Variants in RPS20 observed in about 807,000 individuals in gnomAD.
The protein encoded by RPS20 is small ribosomal subunit protein uS10.
A neutral mutation model predicts 15.3 loss-of-function variants in RPS20; 3 were observed. The ratio of observed to expected loss-of-function variants is 0.20; its 90% CI spans 0.09 to 0.51. The LOEUF is 0.51. Among genes scored for constraint, RPS20 ranks in the 20% least tolerant of loss-of-function variants. The pLI, the probability that RPS20 is intolerant of heterozygous loss-of-function variation, is 0.96. For synonymous variants in RPS20, 62 were observed against 47.8 expected (o/e 1.30, Z -1.23); for missense variants, 67 against 145.9 (o/e 0.46, Z 2.79).
downstream of RPS20, among the ~76,000 whole-genome samples, chr8:56,070,688 G>A (rs978115075): frequency 7.4e-5 from 11 of 149,392 alleles, no homozygotes; most frequent in East Asian, 1.2e-3. Context: ...ATGTTCGCAC[G>A]ACTGCACTCC....
Position 56,074,089 on chromosome 8 carries a change from G to C in RPS20, c.74C>G (p.Thr25Arg). The change falls in exon 2 of 4, where the codon ACA (threonine) becomes AGA (arginine). Residue 25 changes from threonine (T) to arginine (R), a missense_variant. Thr to Arg is a moderately conservative substitution (Grantham distance 71, BLOSUM62 -1). Transcript: ENST00000009589. ...VAIHRIRITLTSRNVKSLEKV... is the reference protein window; with the variant it reads ...VAIHRIRITLRSRNVKSLEKV... ...TTCCAAGGATTTTACGTTGCGGCTT[G>C]TTAGGGTGATTCGAATTCGGTGAAT... 6.3e-7 allele frequency: 1 copy of C among 1,582,312 alleles called. No homozygotes were observed. The highest frequency in any genetic ancestry group is 8.6e-7 in the Non-Finnish European group (1 of 1,168,172).
chr8:56,073,189 T>C lies in RPS20; in HGVS notation c.261A>G (p.Arg87=), dbSNP rs372054935. The C allele has an allele frequency of 1.2e-5, 20 of 1,601,326 alleles. No homozygotes were observed. In the African/African-American group the frequency reaches 2.4e-4, roughly 19 times the overall value. The change falls in exon 4 of 4, where the codon CGA becomes CGG. Residue 87 remains arginine, a synonymous_variant. Transcript: ENST00000009589. ...WDRFQMRIHK[R]LIDLHSPSEI... ...CAGAAGGACTGTGCAAGTCAATGAG[T>C]CGCTTGTGAATTCTCATCTGGAAAC...
chr8:56,073,286 C>T lies in RPS20; in HGVS notation c.178-14G>A, dbSNP rs763728957. 15 of 1,509,140 alleles carry T rather than the reference C, an allele frequency of 9.9e-6. No individual in the cohort carries two copies. The highest frequency in any genetic ancestry group is 1.4e-5 in the Non-Finnish European group (15 of 1,087,596). 93.5% of individuals were successfully genotyped at this position (1,509,140 alleles called of 1,614,324 possible). ...GATTCTCAAAGTCTGTAACAAAAGA[C>T]AAAGGAAACCAAGTGTTTATCGTTT... On this transcript the variant is annotated splice_polypyrimidine_tract_variant and intron_variant, in intron 3 of 3. Coordinates refer to ENST00000009589, the MANE Select transcript of RPS20 (RefSeq NM_001023.4).
downstream of RPS20, chr8:56,068,283 G>A (rs1809661313): frequency 6.6e-6 from 1 of 152,118 alleles, no homozygotes; most frequent in Non-Finnish European, 1.5e-5. Flanking sequence ...ATCACAGAAT[G>A]TATAATTTAA....
At chr8:56,069,060 A>C (rs1288743986), downstream of RPS20, among the ~76,000 whole-genome samples, 1 of 151,418 alleles carries the variant, frequency 6.6e-6, no homozygotes, top group Non-Finnish European at 1.5e-5. Context: ...GTTCTTTTTA[A>C]GTTAATGAAG....
intron 3 of RPS20, 146 bp from the exon 4 acceptor site, chr8:56,073,418 T>C (rs1238860188): frequency 3.0e-6 from 2 of 677,468 alleles, no homozygotes; most frequent in South Asian, 1.8e-5. Context: ...GTACCATGGG[T>C]TGAAAATGCC....
At chr8:56,073,484 C>A in intron 3 of RPS20, 1 of 636,174 alleles carries the variant, frequency 1.6e-6, no homozygotes, top group Non-Finnish European at 2.8e-6. Context: ...CTGTTAAGCA[C>A]CAAAGCACAC....
At chr8:56,072,937 G>A, downstream of RPS20, 1 of 1,380,626 alleles carries the variant, frequency 7.2e-7, no homozygotes, top group Non-Finnish European at 9.4e-7. Context: ...AAACGACAAC[G>A]AAAACAGGAT....
Position 56,073,312 on chromosome 8 carries a change from T to C in RPS20, c.178-40A>G, listed in dbSNP as rs770211614. The C allele has an allele frequency of 3.1e-6, 4 of 1,272,470 alleles. No homozygotes were observed. In the East Asian group the frequency reaches 6.9e-5, roughly 22 times the overall value. 78.8% of individuals were successfully genotyped at this position (1,272,470 alleles called of 1,614,324 possible). A position where few individuals can be genotyped will look rare whatever the true frequency, so the allele number is the denominator to read the frequency against. On this transcript the variant is annotated intron_variant, in intron 3 of 3. Coordinates refer to ENST00000009589, the MANE Select transcript of RPS20 (RefSeq NM_001023.4). Reference sequence around the variant, plus strand: ...AAAGGAAACCAAGTGTTTATCGTTTTATACTTATCCCTAGAACATCTGGAA... The same window carrying C: ...AAAGGAAACCAAGTGTTTATCGTTTCATACTTATCCCTAGAACATCTGGAA...
At chr8:56,069,814 G>C, downstream of RPS20, 1 of 1,527,482 alleles carries the variant, frequency 6.5e-7, no homozygotes, top group South Asian at 1.2e-5. Flanking sequence ...CATGGGTTCT[G>C]CATCTGTAGA....
At position 56,074,336 on chromosome 8, in the gene RPS20, G is replaced by A. The variant is rs764075264; in HGVS notation, c.3+45C>T. 9.7e-6 allele frequency: 15 copies of A among 1,547,188 alleles called. No homozygotes were observed. The African/African-American group carries it at 1.2e-4, about 13-fold the overall frequency. On this transcript the variant is annotated intron_variant, in intron 1 of 3. Coordinates refer to ENST00000009589, the MANE Select transcript of RPS20 (RefSeq NM_001023.4). ...AACTCGAAACCGGGGTCCCCCCGGC[G>A]CCCGAGCCCTGCGTTGCGCCGCCCG...
chr8:56,070,358 TAG>T (rs1435640136), downstream of RPS20, among the ~76,000 whole-genome samples: 6 of 152,226 alleles, frequency 3.9e-5, no homozygotes, highest in Non-Finnish European at 7.3e-5. Context: ...ACTGCATGGC[TAG>T]AGATTCTACT....
At chr8:56,074,281 C>T (rs769074027) in intron 1 of RPS20, 100 bp downstream of exon 1, 20 of 1,534,934 alleles carry the variant, frequency 1.3e-5, no homozygotes, top group Non-Finnish European at 1.8e-5. Context: ...TCCGCCCCTA[C>T]ACGCCCCGGC....
intron 3 of RPS20, 117 bp downstream of exon 3, chr8:56,073,578 G>A (rs1809832444): frequency 4.9e-6 from 4 of 817,836 alleles, no homozygotes; most frequent in African/African-American, 3.4e-5. Context: ...CGATTTCTAT[G>A]TGCGTTTGTA....
chr8:56,070,156 T>C (rs1012204326), downstream of RPS20, among the ~76,000 whole-genome samples: 3 of 152,276 alleles, frequency 2.0e-5, no homozygotes, highest in Admixed American at 2.0e-4. Context: ...CCTGTATCAG[T>C]GAGAGAAATC....
chr8:56,072,322 C>T (rs1231121545), downstream of RPS20, among the ~76,000 whole-genome samples: 4 of 152,000 alleles, frequency 2.6e-5, no homozygotes, highest in South Asian at 2.1e-4. Context: ...GAGGCTGAGG[C>T]AGGTGGATCA....
chr8:56,074,076 T>C lies in RPS20; in HGVS notation c.87A>G (p.Val29=), dbSNP rs138869126. ...TGCACTGACCCTTTTCCAAGGATTT[T>C]ACGTTGCGGCTTGTTAGGGTGATTC... The part of the protein sequence containing the change: ...RIRITLTSRN[V]KSLEKVCADL... Residue 29 remains valine (V), a synonymous_variant, in exon 2 of 4, where the codon GTA becomes GTG. Coordinates refer to ENST00000009589, the MANE Select transcript of RPS20 (RefSeq NM_001023.4). 78 of 1,613,820 alleles carry C rather than the reference T, an allele frequency of 4.8e-5. No homozygotes were observed. The highest frequency in any genetic ancestry group is 6.3e-5 in the Non-Finnish European group (74 of 1,179,906).
At chr8:56,072,556 C>G (rs1299608764), downstream of RPS20, among the ~76,000 whole-genome samples, 80 of 143,156 alleles carry the variant, frequency 5.6e-4, 1 homozygote, top group Middle Eastern at 3.7e-3. Context: ...CGTCCCCCCC[C>G]CCAAAAAAAA....
At chr8:56,071,877 C>T (rs1301295172), downstream of RPS20, among the ~76,000 whole-genome samples, 5 of 152,194 alleles carry the variant, frequency 3.3e-5, no homozygotes, top group Admixed American at 6.5e-5. Context: ...GTAGATGTTC[C>T]ATTTTTCCAC....
Sources: gnomAD v4.1 joint callset for allele counts (sites outside exome capture counted in the v4.1 genomes callset) on GRCh38, gnomAD v4.1.1 for gene constraint, MANE v1.5 for transcripts, NCBI Gene and HGNC (gene_info 2026-07-23, HGNC 2026-07-21) for gene names.